The following WAPL variants were observed in gnomAD, a reference collection of about 807,000 sequenced individuals.
The protein encoded by WAPL is WAPL cohesin release factor.
In WAPL, 5 loss-of-function variants were observed where a neutral mutation model predicts 121.0. That is an observed-to-expected ratio of 0.04 (90% CI 0.02 to 0.09). The LOEUF is 0.09. Among genes scored for constraint, WAPL ranks in the 10% least tolerant of loss-of-function variants. The pLI is 1.00. For synonymous variants in WAPL, 480 were observed against 481.5 expected, an observed-to-expected ratio of 1.00 and a Z score of 0.04; for missense variants, 999 against 1,410.8, an observed-to-expected ratio of 0.71 and a Z score of 4.68.
intron 17 of WAPL, 71 bp downstream of exon 17, chr10:86,443,204 T>C: frequency 3.3e-6 from 4 of 1,204,948 alleles, no homozygotes; most frequent in South Asian, 2.7e-5. Flanking sequence ...AAGTGAAACA[T>C]GTAAAGGTAT....
chr10:86,474,555 A>T (rs1002003359), intron 4 of WAPL, among the ~76,000 whole-genome samples: 1 of 151,494 alleles, frequency 6.6e-6, no homozygotes, highest in South Asian at 2.1e-4. Flanking sequence ...AGGCTTACTA[A>T]GTAATCAACA....
At chr10:86,442,188 C>A (rs574840095) in intron 17 of WAPL, among the ~76,000 whole-genome samples, 1 of 152,148 alleles carries the variant, frequency 6.6e-6, no homozygotes, top group African/African-American at 2.4e-5. Flanking sequence ...TGCACCGCCA[C>A]GCCCAGCAAA....
chr10:86,437,260 G>A lies in WAPL; in HGVS notation c.*283C>T. 3.3e-6 allele frequency: 1 copy of A among 302,280 alleles called. No homozygotes were observed. The highest frequency in any genetic ancestry group is 6.1e-6 in the Non-Finnish European group (1 of 164,820). The allele number at this position is 302,280 out of a possible 1,614,324, so 18.7% of individuals were successfully genotyped here. ...AGAATAAAGCAAGAAAACAAGGGGA[G>A]GGTATAAACTCTGCCAAAGTAAATG... On this transcript the variant is annotated 3_prime_UTR_variant, in exon 19 of 19. Transcript: ENST00000298767.
chr10:86,499,860 G>C lies in WAPL; in HGVS notation c.1383C>G (p.Ser461Arg). 6.2e-7 allele frequency: 1 copy of C among 1,613,520 alleles called. No individual in the cohort carries two copies. Residue 461 changes from serine (S) to arginine (R), a missense_variant, in exon 3 of 19, where the codon AGC becomes AGG. By Grantham distance (110) the Ser-to-Arg change is moderately radical. Around this residue, in one of 7 missense-constraint regions of WAPL, gnomAD observed 531 missense variants for 563.1 expected, o/e 0.94. Transcript: ENST00000298767. ...KYFGFDDLSESEDDEDDDCQV... is the reference protein window; with the variant it reads ...KYFGFDDLSEREDDEDDDCQV... ...GACAGTCATCATCTTCATCATCTTC[G>C]CTTTCACTGAGATCATCAAAGCCAA...
intron 12 of WAPL, among the ~76,000 whole-genome samples, chr10:86,455,794 T>C (rs942229624): frequency 1.3e-5 from 2 of 151,346 alleles, no homozygotes; most frequent in African/African-American, 4.9e-5. Context: ...TCTATAATTG[T>C]AAAATACTTA....
At chr10:86,470,788 G>GA (rs1218186225) in intron 8 of WAPL, among the ~76,000 whole-genome samples, 1 of 152,028 alleles carries the variant, frequency 6.6e-6, no homozygotes, top group Non-Finnish European at 1.5e-5. Flanking sequence ...GACACATTAA[G>GA]AAAAAATGTT....
chr10:86,509,217 A>G (rs962894581), intron 2 of WAPL, among the ~76,000 whole-genome samples: 3 of 152,184 alleles, frequency 2.0e-5, no homozygotes, highest in South Asian at 2.1e-4. Flanking sequence ...CCACTGAAAC[A>G]TATCTTACAA....
At chr10:86,486,214 C>T (rs1035176698) in intron 4 of WAPL, among the ~76,000 whole-genome samples, 6 of 152,160 alleles carry the variant, frequency 3.9e-5, no homozygotes, top group Non-Finnish European at 4.4e-5. Flanking sequence ...ACAAAGGTAA[C>T]ACTGGGTAAA....
rs199603818 is a variant in WAPL at position 86,500,465 on chromosome 10, G to C, written c.778C>G (p.Leu260Val). The change falls in exon 3 of 19, where the codon CTT (leucine) becomes GTT (valine). Residue 260 changes from leucine (L) to valine (V), a missense_variant. By Grantham distance (32) the Leu-to-Val change is conservative. This residue lies in a region of WAPL where 531 missense variants were observed against 563.1 expected (regional missense o/e 0.94). Coordinates refer to ENST00000298767, the MANE Select transcript of WAPL (RefSeq NM_015045.5). ...DCILSLDSDP[L>V]LEMKDDDFKN... ...AAATCGTCATCCTTCATCTCCAAAA[G>C]GGGATCACTATCCAAACTTAAAATA... 7 of 1,614,164 alleles carry C rather than the reference G, an allele frequency of 4.3e-6. No individual in the cohort carries two copies. Among genetic ancestry groups the C allele is most frequent in the Non-Finnish European group, 5.9e-6 (7 of 1,180,044 alleles).
At chr10:86,487,708 G>A (rs1841955713) in intron 4 of WAPL, among the ~76,000 whole-genome samples, 1 of 152,084 alleles carries the variant, frequency 6.6e-6, no homozygotes, top group Non-Finnish European at 1.5e-5. Context: ...GGCTAACACG[G>A]TGAAACCCCA....
chr10:86,468,168 T>C (rs1841444976), intron 8 of WAPL, among the ~76,000 whole-genome samples: 2 of 152,064 alleles, frequency 1.3e-5, no homozygotes, highest in Admixed American at 6.6e-5. Flanking sequence ...TGTGTGAGTA[T>C]ATATATATAA....
At chr10:86,498,410 G>A (rs978681899) in intron 3 of WAPL, among the ~76,000 whole-genome samples, 1 of 151,650 alleles carries the variant, frequency 6.6e-6, no homozygotes, top group Non-Finnish European at 1.5e-5. Flanking sequence ...CTTTTTTTTC[G>A]GGGGAGGCAG....
chr10:86,479,452 C>G lies in WAPL; in HGVS notation c.1645-5479G>C, dbSNP rs185663517. On this transcript the variant is annotated intron_variant, in intron 4 of 18. Coordinates refer to ENST00000298767, the MANE Select transcript of WAPL (RefSeq NM_015045.5). ...TATTTCTAGTAGAGATGGGGTTTTG[C>G]CATGTTGGCCAGGCTGGTCTTGAAC... Among the ~76,000 whole-genome samples the G allele has an allele frequency of 1.6e-3, 246 of 152,278 alleles. 1 individual carries two copies. Among genetic ancestry groups the G allele is most frequent in the African/African-American group, 5.5e-3 (228 of 41,550 alleles).
intron 12 of WAPL, among the ~76,000 whole-genome samples, chr10:86,455,351 C>T (rs933435985): frequency 2.6e-5 from 4 of 152,142 alleles, no homozygotes; most frequent in African/African-American, 9.7e-5. Flanking sequence ...AATTCTTCTG[C>T]CTTGGGATGC....
At chr10:86,446,190 C>A in intron 16 of WAPL, 52 bp downstream of exon 16, 6 of 1,595,662 alleles carry the variant, frequency 3.8e-6, no homozygotes, top group Non-Finnish European at 5.1e-6. Context: ...AAGAAAAAAA[C>A]AAAATCAAAC....
chr10:86,464,502 A>T (rs1262167801), intron 9 of WAPL, among the ~76,000 whole-genome samples: 1 of 152,222 alleles, frequency 6.6e-6, no homozygotes, highest in Non-Finnish European at 1.5e-5. Flanking sequence ...CTTTTATAGC[A>T]TGAAAAAAAT....
chr10:86,450,461 C>G (rs1376977303), intron 15 of WAPL, among the ~76,000 whole-genome samples: 1 of 152,162 alleles, frequency 6.6e-6, no homozygotes, highest in Non-Finnish European at 1.5e-5. Context: ...GTCTCAAACT[C>G]CTGAGCTCAA....
Position 86,517,924 on chromosome 10 carries a change from G to A in WAPL, c.146C>T (p.Pro49Leu). 6.2e-7 allele frequency: 1 copy of A among 1,613,994 alleles called. No homozygotes were observed. Among genetic ancestry groups the A allele is most frequent in the Non-Finnish European group, 8.5e-7 (1 of 1,180,000 alleles). The change falls in exon 2 of 19, where the codon CCC becomes CTC. Residue 49 changes from proline to leucine, a missense_variant. Transcript: ENST00000298767. Reference protein sequence around the residue: ...TFMAKLGQKRPNFKPDIQEIP... With the variant: ...TFMAKLGQKRLNFKPDIQEIP... ...TTCTTGGATATCTGGTTTGAAATTGGGCCTCTTCTGCCCTAATTTAGCCAT... is the reference window on the plus strand; with the variant it reads ...TTCTTGGATATCTGGTTTGAAATTGAGCCTCTTCTGCCCTAATTTAGCCAT...
intron 4 of WAPL, among the ~76,000 whole-genome samples, chr10:86,474,449 G>C (rs1465995738): frequency 6.6e-6 from 1 of 151,862 alleles, no homozygotes; most frequent in Non-Finnish European, 1.5e-5. Context: ...CGGAGGCAGA[G>C]GTTGCAGTGA....
Sources: gnomAD v4.1 joint callset for allele counts (sites outside exome capture counted in the v4.1 genomes callset) on GRCh38, gnomAD v4.1.1 for gene constraint, gnomAD v4.1.1 regional missense constraint, MANE v1.5 for transcripts, NCBI Gene and HGNC (gene_info 2026-07-23, HGNC 2026-07-21) for gene names.